GRM8: variants seen among roughly 807,000 people sequenced by gnomAD.
GRM8 encodes the protein glutamate metabotropic receptor 8.
GRM8 carries 47 observed loss-of-function variants against 87.2 expected under a neutral mutation model. That is an observed-to-expected ratio of 0.54 (90% confidence interval 0.43 to 0.69). GRM8 has a LOEUF of 0.69. Among genes scored for constraint, GRM8 ranks in the 30% least tolerant of loss-of-function variants. The pLI, the probability that GRM8 is intolerant of heterozygous loss-of-function variation, is 0.00. For missense variants in GRM8, 1,019 were observed against 1,139.2 expected, an observed-to-expected ratio of 0.89 and a Z score of 1.52; for synonymous variants, 396 against 404.5, an observed-to-expected ratio of 0.98 and a Z score of 0.25.
chr7:127,216,517 C>CAAAAAAAAAAAAA (rs58730624), intron 2 of GRM8, among the ~76,000 whole-genome samples: 24 of 62,976 alleles, frequency 3.8e-4, no homozygotes, highest in East Asian at 6.3e-4. Flanking sequence ...GACTCCGTCT[C>CAAAAAAAAAAAAA]AAAAAAAAAA....
intron 3 of GRM8, among the ~76,000 whole-genome samples, chr7:127,030,342 C>G (rs370150797): frequency 6.6e-6 from 1 of 151,928 alleles, no homozygotes; most frequent in Non-Finnish European, 1.5e-5. Flanking sequence ...TGCAGGTGGG[C>G]TTAGTGGTAA....
intron 2 of GRM8, among the ~76,000 whole-genome samples, chr7:127,144,837 A>G (rs1397354987): frequency 6.6e-6 from 1 of 152,080 alleles, no homozygotes; most frequent in Non-Finnish European, 1.5e-5. Context: ...TGCAAATACA[A>G]GACTAAAATG....
At position 126,685,684 on chromosome 7, in the gene GRM8, G is replaced by A. The variant is rs1808100586; in HGVS notation, c.1358-76186C>T. ...CTGCCTCGGCTCCCTCTAAACTTTG[G>A]CTGTGGACAAGCACAGGAGGGAGGC... On this transcript the variant is annotated intron_variant, in intron 7 of 10. Transcript: ENST00000339582. This position sits in a 1 kb window ranked among gnomAD's most constrained non-coding sequence, Gnocchi z 4.2. 6.6e-6 allele frequency among the ~76,000 whole-genome samples: 1 copy of A among 152,116 alleles called. No individual in the cohort carries two copies. Among genetic ancestry groups the A allele is most frequent in the Admixed American group, 6.5e-5 (1 of 15,280 alleles).
At chr7:127,201,458 A>T (rs951987703) in intron 2 of GRM8, among the ~76,000 whole-genome samples, 1 of 152,176 alleles carries the variant, frequency 6.6e-6, no homozygotes, top group Admixed American at 6.5e-5. Flanking sequence ...TCTTCCTAAC[A>T]AGTCTTTAAC....
intron 7 of GRM8, among the ~76,000 whole-genome samples, chr7:126,752,512 A>G (rs908771353): frequency 5.3e-5 from 8 of 152,108 alleles, no homozygotes; most frequent in African/African-American, 1.4e-4. Context: ...ACAGTAGGGT[A>G]TAGTACAGAC....
chr7:126,835,927 C>G (rs1394698500), intron 6 of GRM8, among the ~76,000 whole-genome samples: 4 of 152,160 alleles, frequency 2.6e-5, no homozygotes, highest in African/African-American at 4.8e-5. Flanking sequence ...TGTTCAACAT[C>G]TAGATATAGG....
intron 9 of GRM8, among the ~76,000 whole-genome samples, chr7:126,448,379 A>G (rs1802254272): frequency 6.6e-6 from 1 of 151,966 alleles, no homozygotes; most frequent in South Asian, 2.1e-4. Context: ...TCCAAATAGT[A>G]TAAAAATATT....
intron 8 of GRM8, among the ~76,000 whole-genome samples, chr7:126,601,162 A>G (rs1274753660): frequency 1.4e-5 from 2 of 144,986 alleles, no homozygotes; most frequent in Non-Finnish European, 3.0e-5. Context: ...ATTCCCACCT[A>G]TGAGTGAGAA....
At chr7:127,199,137 G>C (rs1227671880) in intron 2 of GRM8, among the ~76,000 whole-genome samples, 1 of 143,294 alleles carries the variant, frequency 7.0e-6, no homozygotes, top group Non-Finnish European at 1.6e-5. Flanking sequence ...CACCGCACCC[G>C]GCTTTTTTTT....
chr7:127,049,008 G>A (rs1819206321), intron 3 of GRM8, among the ~76,000 whole-genome samples: 1 of 152,092 alleles, frequency 6.6e-6, no homozygotes, highest in Admixed American at 6.5e-5. Flanking sequence ...TCTAGCCCTA[G>A]GAACTAGAGG....
At chr7:126,828,365 TA>T (rs1795026546) in intron 6 of GRM8, among the ~76,000 whole-genome samples, 1 of 152,180 alleles carries the variant, frequency 6.6e-6, no homozygotes, top group Admixed American at 6.5e-5. Context: ...GTTGGTAAGC[TA>T]TTGATTATTG....
chr7:126,626,101 A>AGTGTATGT lies in GRM8; in HGVS notation c.1358-16604_1358-16603insACATACAC, dbSNP rs147069195. On this transcript the variant is annotated intron_variant, in intron 7 of 10. Coordinates refer to ENST00000339582, the MANE Select transcript of GRM8 (RefSeq NM_000845.3). Reference sequence around the variant, plus strand: ...TAGTGATGATTACATATATGAGAGAAGTGTGTGTGTGTGTGTGTGTGTGTG... The same window carrying AGTGTATGT: ...TAGTGATGATTACATATATGAGAGAAGTGTATGTGTGTGTGTGTGTGTGTGTGTGTGTG... Among the ~76,000 whole-genome samples, 339 of 148,694 alleles carry AGTGTATGT rather than the reference A, an allele frequency of 2.3e-3. 1 individual carries two copies. The highest frequency in any genetic ancestry group is 0.02 in the East Asian group (100 of 5,042).
chr7:126,538,714 G>A (rs990051555), intron 8 of GRM8, among the ~76,000 whole-genome samples: 4 of 151,966 alleles, frequency 2.6e-5, no homozygotes, highest in African/African-American at 9.7e-5. Flanking sequence ...ATGGAAGACT[G>A]CATGTGCAAT....
intron 6 of GRM8, among the ~76,000 whole-genome samples, chr7:126,888,635 T>C (rs1800715573): frequency 1.3e-5 from 2 of 152,220 alleles, no homozygotes; most frequent in South Asian, 4.1e-4. Flanking sequence ...AATTGGCATA[T>C]CTGGAGTCTA....
intron 8 of GRM8, among the ~76,000 whole-genome samples, chr7:126,598,838 T>C (rs2151066927): frequency 6.6e-6 from 1 of 152,172 alleles, no homozygotes; most frequent in Non-Finnish European, 1.5e-5. Context: ...TCATGGTATA[T>C]GAGGTCTTAT....
intron 6 of GRM8, among the ~76,000 whole-genome samples, chr7:126,783,519 C>G (rs374330878): frequency 6.6e-6 from 1 of 152,172 alleles, no homozygotes; most frequent in Non-Finnish European, 1.5e-5. Flanking sequence ...CTAGCCCTAC[C>G]TGCTTTTTTC....
At chr7:126,639,497 T>C (rs1563044726) in intron 7 of GRM8, among the ~76,000 whole-genome samples, 1 of 152,166 alleles carries the variant, frequency 6.6e-6, no homozygotes, top group East Asian at 1.9e-4. Context: ...TCTGATAGTT[T>C]TCTTAATTTT....
At chr7:126,663,047 C>G (rs1250745250) in intron 7 of GRM8, among the ~76,000 whole-genome samples, 1 of 152,238 alleles carries the variant, frequency 6.6e-6, no homozygotes, top group African/African-American at 2.4e-5. Context: ...TGAGATATTC[C>G]TAGCTTATGC....
At position 126,865,046 on chromosome 7, in the gene GRM8, T is replaced by A. The variant is rs1214143661; in HGVS notation, c.1156+37496A>T. ...AGCTTCCTAAGGCTGTGGAGACTTT[T>A]TAGTACTGTGTTTGTGAGCTAAGCA... On this transcript the variant is annotated intron_variant, in intron 6 of 10. Coordinates refer to ENST00000339582, the MANE Select transcript of GRM8 (RefSeq NM_000845.3). Among the ~76,000 whole-genome samples, 4 of 152,200 alleles carry A rather than the reference T, an allele frequency of 2.6e-5. No individual in the cohort carries two copies. In the East Asian group the frequency reaches 5.8e-4, roughly 22 times the overall value.
Sources: gnomAD v4.1 joint callset for allele counts (sites outside exome capture counted in the v4.1 genomes callset) on GRCh38, gnomAD v4.1.1 for gene constraint, Gnocchi (gnomAD v3.1) non-coding constraint, MANE v1.5 for transcripts, NCBI Gene and HGNC (gene_info 2026-07-23, HGNC 2026-07-21) for gene names.